Variants in TANC2 observed in about 807,000 individuals in gnomAD.
TANC2 encodes the protein protein TANC2.
In TANC2, 26 loss-of-function variants were observed where a neutral mutation model predicts 210.5. That is an observed-to-expected ratio of 0.12 (90% CI 0.09 to 0.17). The LOEUF is 0.17. Among genes scored for constraint, TANC2 ranks in the 10% least tolerant of loss-of-function variants. TANC2 has a pLI of 1.00. For synonymous variants in TANC2, 931 were observed against 967.1 expected (o/e 0.96, Z 0.69); for missense variants, 2,129 against 2,608.9 (o/e 0.82, Z 4.01).
At chr17:62,970,038 C>T (rs1274337354) in intron 1 of TANC2, among the ~76,000 whole-genome samples, 7 of 152,188 alleles carry the variant, frequency 4.6e-5, no homozygotes, top group African/African-American at 1.7e-4. Context: ...ATGCAGCCAA[C>T]ACTTACATGC....
chr17:63,036,954 C>G (rs752307941), intron 2 of TANC2, among the ~76,000 whole-genome samples: 3 of 151,832 alleles, frequency 2.0e-5, no homozygotes, highest in Non-Finnish European at 4.4e-5. Context: ...ACACCGAACC[C>G]TATATGTACT....
At chr17:63,233,263 CG>C (rs979833539) in intron 7 of TANC2, among the ~76,000 whole-genome samples, 7 of 145,928 alleles carry the variant, frequency 4.8e-5, no homozygotes, top group African/African-American at 1.7e-4. Flanking sequence ...AAGAGGCCGC[CG>C]TAGTCTTAGG....
chr17:63,362,256 G>C (rs950270984), intron 14 of TANC2, among the ~76,000 whole-genome samples: 2 of 152,178 alleles, frequency 1.3e-5, no homozygotes, highest in African/African-American at 4.8e-5. Flanking sequence ...TGTGAGTTTG[G>C]CTGAGTCCAG....
intron 9 of TANC2, among the ~76,000 whole-genome samples, chr17:63,301,815 G>T (rs1421855623): frequency 6.6e-6 from 1 of 152,056 alleles, no homozygotes; most frequent in Non-Finnish European, 1.5e-5. Context: ...CTTATCTTCT[G>T]CTAGCTTTTG....
intron 5 of TANC2, among the ~76,000 whole-genome samples, chr17:63,186,477 C>T (rs558095673): frequency 1.1e-4 from 16 of 151,828 alleles, no homozygotes; most frequent in Non-Finnish European, 2.2e-4. Context: ...CCCAGCCTCC[C>T]GAGTAGCTGG....
chr17:63,140,690 A>G (rs183033954), intron 4 of TANC2, among the ~76,000 whole-genome samples: 33 of 152,302 alleles, frequency 2.2e-4, no homozygotes, highest in Middle Eastern at 3.4e-3. Context: ...TGCCGTTTTT[A>G]TGGATGATTT....
intron 5 of TANC2, among the ~76,000 whole-genome samples, chr17:63,180,880 C>T (rs1041259339): frequency 1.3e-5 from 2 of 151,666 alleles, no homozygotes; most frequent in South Asian, 2.1e-4. Context: ...AAAAAGTAGC[C>T]GGCCATGGTG....
chr17:63,097,926 T>A (rs1292335115), intron 3 of TANC2, among the ~76,000 whole-genome samples: 2 of 152,244 alleles, frequency 1.3e-5, no homozygotes, highest in Admixed American at 1.3e-4. Flanking sequence ...AGTTTACTGA[T>A]TTGATGTCTA....
At chr17:63,106,974 C>T (rs1403644809) in intron 4 of TANC2, among the ~76,000 whole-genome samples, 3 of 151,452 alleles carry the variant, frequency 2.0e-5, no homozygotes, top group African/African-American at 7.4e-5. Flanking sequence ...TACCTCTATT[C>T]AGCCACCACT....
intron 2 of TANC2, among the ~76,000 whole-genome samples, chr17:63,022,746 C>T (rs1206200678): frequency 1.3e-5 from 2 of 152,184 alleles, no homozygotes; most frequent in African/African-American, 4.8e-5. Flanking sequence ...AGATGGGCTA[C>T]TACCCAGGAC....
intron 2 of TANC2, among the ~76,000 whole-genome samples, chr17:63,029,463 G>A (rs1251935575): frequency 1.3e-5 from 2 of 151,724 alleles, no homozygotes; most frequent in East Asian, 1.9e-4. Flanking sequence ...AATTATTCTG[G>A]TCTTATGTTT....
At chr17:63,157,255 A>G (rs1230470000) in intron 5 of TANC2, among the ~76,000 whole-genome samples, 2 of 152,178 alleles carry the variant, frequency 1.3e-5, no homozygotes, top group African/African-American at 4.8e-5. Flanking sequence ...TTAGTTCAGC[A>G]TGTCAAGAGA....
At chr17:62,983,005 C>T (rs2032380125) in intron 1 of TANC2, among the ~76,000 whole-genome samples, 1 of 152,236 alleles carries the variant, frequency 6.6e-6, no homozygotes, top group South Asian at 2.1e-4. Flanking sequence ...TGAAGGATGT[C>T]ATTGGTATTT....
intron 5 of TANC2, among the ~76,000 whole-genome samples, chr17:63,173,188 A>G (rs2040466230): frequency 6.6e-6 from 1 of 152,210 alleles, no homozygotes; most frequent in African/African-American, 2.4e-5. Flanking sequence ...TTTATCCTCA[A>G]AAATCAAGGA....
At chr17:63,344,513 A>G (rs1338793739) in intron 12 of TANC2, among the ~76,000 whole-genome samples, 1 of 152,192 alleles carries the variant, frequency 6.6e-6, no homozygotes, top group African/African-American at 2.4e-5. Context: ...AAAATAAACA[A>G]GCATGCAAAT....
At chr17:63,087,765 C>A (rs947888735) in intron 3 of TANC2, among the ~76,000 whole-genome samples, 2 of 152,166 alleles carry the variant, frequency 1.3e-5, no homozygotes, top group African/African-American at 4.8e-5. Context: ...TCCAATAATT[C>A]ATCAACTACA....
In TANC2 at chr17:63,219,571, C is replaced by T. The variant is rs138076010; in HGVS notation, c.770-18243C>T. 2.9e-3 allele frequency among the ~76,000 whole-genome samples: 441 copies of T among 152,238 alleles called. 2 individuals carry two copies. The highest frequency in any genetic ancestry group is 9.9e-3 in the African/African-American group (411 of 41,558). On this transcript the variant is annotated intron_variant, in intron 7 of 27. Transcript: ENST00000689528. Reference sequence around the variant, plus strand: ...GACTACAGGCACATGCCACCATGCCCGGCTAATTTTTTGTATTTTTAGTAG... The same window carrying T: ...GACTACAGGCACATGCCACCATGCCTGGCTAATTTTTTGTATTTTTAGTAG...
At chr17:63,315,119 A>G (rs967895560) in intron 10 of TANC2, among the ~76,000 whole-genome samples, 6 of 152,108 alleles carry the variant, frequency 3.9e-5, no homozygotes, top group African/African-American at 1.4e-4. Flanking sequence ...GTGTCCTTGA[A>G]GGGGTTCTCT....
intron 2 of TANC2, among the ~76,000 whole-genome samples, chr17:63,026,082 C>T (rs1458224765): frequency 5.9e-5 from 9 of 152,102 alleles, no homozygotes; most frequent in Non-Finnish European, 1.5e-5. Flanking sequence ...TATTTCTAAT[C>T]AGAAATCACC....
Sources: allele counts gnomAD v4.1 joint callset (sites outside exome capture counted in the v4.1 genomes callset), GRCh38; gene constraint gnomAD v4.1.1; transcripts MANE v1.5; gene names NCBI Gene and HGNC (gene_info 2026-07-23, HGNC 2026-07-21).